Variants in WWOX observed in about 807,000 individuals in gnomAD.
The protein encoded by WWOX is WW domain containing oxidoreductase, also known as WW domain-containing oxidoreductase.
Under a neutral mutation model 46.2 loss-of-function variants are expected in WWOX, and 69 were observed. The observed-to-expected ratio is 1.49, with a 90% CI of 1.23 to 1.82. The LOEUF (loss-of-function observed/expected upper bound fraction) is 1.82. WWOX is among the 40% of genes most tolerant of loss of function. The pLI is 0.00. For missense variants in WWOX, 919 were observed against 542.6 expected (o/e 1.69, Z -6.89); for synonymous variants, 359 against 202.6 (o/e 1.77, Z -6.56).
intron 6 of WWOX, among the ~76,000 whole-genome samples, chr16:78,405,425 T>G (rs1446838126): frequency 6.6e-6 from 1 of 152,226 alleles, no homozygotes; most frequent in Non-Finnish European, 1.5e-5. Flanking sequence ...TGTCGACATG[T>G]GACGGTCCTT....
intron 8 of WWOX, among the ~76,000 whole-genome samples, chr16:79,178,677 ATT>A (rs547436250): frequency 3.0e-4 from 45 of 152,280 alleles, no homozygotes; most frequent in African/African-American, 9.4e-4. Context: ...TCCGTAGTCC[ATT>A]TTTAAGTAGC....
intron 8 of WWOX, among the ~76,000 whole-genome samples, chr16:79,190,979 G>C (rs1218601336): frequency 6.6e-6 from 1 of 152,214 alleles, no homozygotes; most frequent in African/African-American, 2.4e-5. Flanking sequence ...ATAAAATCAT[G>C]TATCAAAGGT....
chr16:78,234,786 C>G (rs1168192954), intron 5 of WWOX, among the ~76,000 whole-genome samples: 3 of 92,302 alleles, frequency 3.3e-5, no homozygotes. Flanking sequence ...CAAAACAAAA[C>G]AAAACAAAAA....
intron 8 of WWOX, among the ~76,000 whole-genome samples, chr16:78,917,369 T>C (rs1233576691): frequency 6.6e-6 from 1 of 152,202 alleles, no homozygotes; most frequent in Non-Finnish European, 1.5e-5. Flanking sequence ...TACCTCTAGA[T>C]GCTTATAATT....
At chr16:78,856,256 A>G (rs956416402) in intron 8 of WWOX, among the ~76,000 whole-genome samples, 1 of 152,210 alleles carries the variant, frequency 6.6e-6, no homozygotes, top group Non-Finnish European at 1.5e-5. Context: ...GGGCCTTGCA[A>G]CAGGCCTGGA....
intron 8 of WWOX, among the ~76,000 whole-genome samples, chr16:78,738,505 G>A (rs556833691): frequency 6.6e-6 from 1 of 152,180 alleles, no homozygotes; most frequent in East Asian, 2.0e-4. Flanking sequence ...TCCTTTGGGA[G>A]TATTGGCATA....
intron 5 of WWOX, among the ~76,000 whole-genome samples, chr16:78,239,072 C>T (rs1413898185): frequency 2.6e-5 from 4 of 152,176 alleles, no homozygotes; most frequent in African/African-American, 9.7e-5. Context: ...CACGCATCCC[C>T]CGTGGATTCT....
chr16:78,851,171 T>G (rs1165505556), intron 8 of WWOX, among the ~76,000 whole-genome samples: 1 of 152,182 alleles, frequency 6.6e-6, no homozygotes, highest in Non-Finnish European at 1.5e-5. Context: ...CATTCAGAAA[T>G]TAGACTTTGT....
intron 8 of WWOX, among the ~76,000 whole-genome samples, chr16:78,519,613 C>T (rs939975704): frequency 3.9e-5 from 6 of 152,126 alleles, no homozygotes; most frequent in South Asian, 4.2e-4. Context: ...TCCTCAAGGT[C>T]GTGACGGTAC....
intron 8 of WWOX, among the ~76,000 whole-genome samples, chr16:78,829,257 T>C (rs1020446624): frequency 5.3e-5 from 8 of 152,120 alleles, no homozygotes; most frequent in African/African-American, 1.9e-4. Context: ...TAGCCAGCAA[T>C]CTGGAGATCC....
intron 5 of WWOX, among the ~76,000 whole-genome samples, chr16:78,170,763 T>C (rs944684711): frequency 6.6e-6 from 1 of 152,248 alleles, no homozygotes; most frequent in Non-Finnish European, 1.5e-5. Flanking sequence ...TTTGGAAAGA[T>C]GATTAAGGGA....
chr16:78,620,139 C>A (rs2046141615), intron 8 of WWOX, among the ~76,000 whole-genome samples: 1 of 152,076 alleles, frequency 6.6e-6, no homozygotes, highest in Non-Finnish European at 1.5e-5. Context: ...TACCTAGTAG[C>A]TAATGGTGAG....
intron 8 of WWOX, among the ~76,000 whole-genome samples, chr16:78,565,227 A>G (rs2044536347): frequency 6.6e-6 from 1 of 152,224 alleles, no homozygotes; most frequent in Non-Finnish European, 1.5e-5. Context: ...TGTTATAAAC[A>G]AATTACCAAA....
intron 8 of WWOX, among the ~76,000 whole-genome samples, chr16:78,769,365 C>G (rs975634147): frequency 1.3e-5 from 2 of 152,102 alleles, no homozygotes; most frequent in African/African-American, 4.8e-5. Flanking sequence ...TCCGCCCCCT[C>G]TCTTCCCCTC....
intron 8 of WWOX, among the ~76,000 whole-genome samples, chr16:78,756,244 T>C (rs2049643359): frequency 6.6e-6 from 1 of 152,116 alleles, no homozygotes; most frequent in African/African-American, 2.4e-5. Flanking sequence ...TTGCTTAAAG[T>C]GGCAGAAGTA....
chr16:78,249,160 C>G (rs1055045831), intron 5 of WWOX, among the ~76,000 whole-genome samples: 3 of 152,164 alleles, frequency 2.0e-5, no homozygotes, highest in African/African-American at 7.2e-5. Context: ...GCGTCATGCC[C>G]CGTTTTATAG....
At chr16:79,036,754 C>T (rs1006805779) in intron 8 of WWOX, among the ~76,000 whole-genome samples, 1 of 152,210 alleles carries the variant, frequency 6.6e-6, no homozygotes, top group African/African-American at 2.4e-5. Context: ...GAAGAGTAAA[C>T]AGGCATGCTG....
At chr16:78,726,507 T>G (rs985708040) in intron 8 of WWOX, among the ~76,000 whole-genome samples, 21 of 152,132 alleles carry the variant, frequency 1.4e-4, no homozygotes, top group African/African-American at 5.1e-4. Flanking sequence ...GTGTTAAGAT[T>G]ACAGGCATGA....
At chr16:79,140,294 T>G (rs1182837996) in intron 8 of WWOX, among the ~76,000 whole-genome samples, 1 of 152,138 alleles carries the variant, frequency 6.6e-6, no homozygotes, top group African/African-American at 2.4e-5. Context: ...TGTGGCCGAT[T>G]TCTTGGACTT....
Sources: allele counts gnomAD v4.1 joint callset (sites outside exome capture counted in the v4.1 genomes callset), GRCh38; gene constraint gnomAD v4.1.1; transcripts MANE v1.5; gene names NCBI Gene and HGNC (gene_info 2026-07-23, HGNC 2026-07-21).